The following ARK2C variants were observed in gnomAD, a reference collection of about 807,000 sequenced individuals.
ARK2C encodes the protein E3 ubiquitin-protein ligase ARK2C.
the ARK2C span, among the ~76,000 whole-genome samples, chr18:46,421,466 C>A: frequency 9.3e-4 from 141 of 152,344 alleles, 1 homozygote; most frequent in African/African-American, 3.2e-3. Flanking sequence ...CAGACCTAGG[C>A]TCTGCCTTCA....
chr18:46,449,220 G>T, the ARK2C span, among the ~76,000 whole-genome samples: 1 of 152,156 alleles, frequency 6.6e-6, no homozygotes, highest in African/African-American at 2.4e-5. Context: ...GAGGAGCTGT[G>T]ATGGAAACTC....
chr18:46,355,772 C>T, the ARK2C span, among the ~76,000 whole-genome samples: 1 of 152,238 alleles, frequency 6.6e-6, no homozygotes. Context: ...CATGCCCCCT[C>T]AAGACCTTCT....
At chr18:46,438,059 C>T in the ARK2C span, among the ~76,000 whole-genome samples, 1 of 152,232 alleles carries the variant, frequency 6.6e-6, no homozygotes, top group Admixed American at 6.5e-5. Flanking sequence ...AACCAGACCA[C>T]ACCATGTTCA....
chr18:46,440,191 C>A, the ARK2C span, among the ~76,000 whole-genome samples: 1 of 152,154 alleles, frequency 6.6e-6, no homozygotes, highest in African/African-American at 2.4e-5. Flanking sequence ...ACAGTAGTCT[C>A]CATTACCTGT....
chr18:46,405,501 G>A, the ARK2C span, among the ~76,000 whole-genome samples: 1 of 152,194 alleles, frequency 6.6e-6, no homozygotes, highest in Non-Finnish European at 1.5e-5. Flanking sequence ...AGTGGTGGGT[G>A]GGAGTGGCTG....
chr18:46,405,983 C>T, the ARK2C span, among the ~76,000 whole-genome samples: 2 of 152,012 alleles, frequency 1.3e-5, no homozygotes, highest in South Asian at 4.2e-4. Context: ...TCCACACATG[C>T]CACCCACTCC....
the ARK2C span, among the ~76,000 whole-genome samples, chr18:46,400,359 C>T: frequency 6.6e-6 from 1 of 152,186 alleles, no homozygotes; most frequent in African/African-American, 2.4e-5. Flanking sequence ...AGGGATTGGA[C>T]ACCTGGCAGG....
chr18:46,373,638 G>A, the ARK2C span, among the ~76,000 whole-genome samples: 33 of 152,234 alleles, frequency 2.2e-4, no homozygotes, highest in Non-Finnish European at 4.0e-4. Flanking sequence ...CTGCCACACT[G>A]GCTCCTCGGG....
At chr18:46,365,201 G>C in the ARK2C span, among the ~76,000 whole-genome samples, 2 of 152,204 alleles carry the variant, frequency 1.3e-5, no homozygotes, top group Non-Finnish European at 2.9e-5. Context: ...AGGGGAGGGG[G>C]TATGGATGGC....
the ARK2C span, among the ~76,000 whole-genome samples, chr18:46,401,371 C>T: frequency 6.6e-6 from 1 of 152,170 alleles, no homozygotes; most frequent in South Asian, 2.1e-4. Flanking sequence ...CAGTCAGGGA[C>T]ATTTTTTCTT....
At chr18:46,433,464 G>T in the ARK2C span, 1 of 1,612,564 alleles carries the variant, frequency 6.2e-7, no homozygotes, top group Non-Finnish European at 8.5e-7. Context: ...TGCAGCAGCA[G>T]CTCCTGGAAG....
chr18:46,432,309 G>C, the ARK2C span, among the ~76,000 whole-genome samples: 1 of 152,148 alleles, frequency 6.6e-6, no homozygotes, highest in African/African-American at 2.4e-5. Context: ...GGACATGTTT[G>C]CTTTTAAATA....
the ARK2C span, among the ~76,000 whole-genome samples, chr18:46,362,706 C>T: frequency 1.3e-5 from 2 of 152,346 alleles, no homozygotes; most frequent in South Asian, 2.1e-4. Context: ...TAATGCCCTG[C>T]GACAACCACA....
the ARK2C span, chr18:46,450,830 T>C: frequency 1.3e-6 from 2 of 1,529,210 alleles, no homozygotes; most frequent in Non-Finnish European, 1.8e-6. Flanking sequence ...GCCTGCATAG[T>C]CAGGGAATGG....
the ARK2C span, among the ~76,000 whole-genome samples, chr18:46,402,608 C>T: frequency 6.6e-6 from 1 of 152,158 alleles, no homozygotes; most frequent in African/African-American, 2.4e-5. Flanking sequence ...TTAAGTGATC[C>T]TCCCATCAGC....
At chr18:46,412,768 C>G in the ARK2C span, among the ~76,000 whole-genome samples, 1 of 152,144 alleles carries the variant, frequency 6.6e-6, no homozygotes, top group Non-Finnish European at 1.5e-5. Flanking sequence ...TACGGAGATG[C>G]TGCTAACAGC....
chr18:46,454,766 ATGAG>A, the ARK2C span, among the ~76,000 whole-genome samples: 41 of 152,350 alleles, frequency 2.7e-4, 1 homozygote, highest in South Asian at 3.3e-3. Context: ...GAGGGACAGA[ATGAG>A]TAATTTTCTT....
the ARK2C span, among the ~76,000 whole-genome samples, chr18:46,378,440 G>A: frequency 0.012 from 1,854 of 152,254 alleles, 19 homozygotes; most frequent in East Asian, 0.052. Flanking sequence ...CCTGACCACC[G>A]TGGAGGGGCA....
chr18:46,389,575 G>A, the ARK2C span, among the ~76,000 whole-genome samples: 211 of 152,232 alleles, frequency 1.4e-3, 1 homozygote, highest in African/African-American at 4.7e-3. Context: ...CCGTGGGGGT[G>A]GATTATTACG....
Sources: gnomAD v4.1 joint callset for allele counts (sites outside exome capture counted in the v4.1 genomes callset) on GRCh38, gnomAD v4.1.1 for gene constraint, MANE v1.5 for transcripts, NCBI Gene and HGNC (gene_info 2026-07-23, HGNC 2026-07-21) for gene names.